Variants in PTPRM observed in about 807,000 individuals in gnomAD.
PTPRM encodes the protein receptor-type tyrosine-protein phosphatase mu.
PTPRM carries 47 observed loss-of-function variants against 186.7 expected under a neutral mutation model. That is an observed-to-expected ratio of 0.25 (90% CI 0.20 to 0.32). PTPRM has a LOEUF of 0.32. Ranked by LOEUF, PTPRM falls within the 10% of genes least tolerant of loss-of-function variation. The probability of loss-of-function intolerance (pLI) is 1.00; values close to 1 mark genes in which losing one functional copy is unlikely to be tolerated. For synonymous variants in PTPRM, 668 were observed against 674.9 expected (o/e 0.99, Z 0.16); for missense variants, 1,494 against 1,865.0 (o/e 0.80, Z 3.66).
chr18:7,984,590 TATATATATATATACAC>T (rs1321867806), intron 7 of PTPRM, among the ~76,000 whole-genome samples: 7 of 123,938 alleles, frequency 5.6e-5, no homozygotes, highest in African/African-American at 2.3e-4. Flanking sequence ...TATATATATA[TATATATATATATACAC>T]ACACACACAC....
intron 1 of PTPRM, among the ~76,000 whole-genome samples, chr18:7,762,699 A>G (rs1002032857): frequency 2.0e-5 from 3 of 152,334 alleles, no homozygotes; most frequent in African/African-American, 7.2e-5. Flanking sequence ...AAACGGGAAC[A>G]TGAGCTGAAA....
rs548612491 is a variant in PTPRM, at chr18:7,948,427, T to C, written c.664-754T>C. Among the ~76,000 whole-genome samples, 59 of 152,280 alleles carry C rather than the reference T, an allele frequency of 3.9e-4. 1 individual carries two copies. Among genetic ancestry groups the C allele is most frequent in the Middle Eastern group, 3.4e-3 (1 of 294 alleles). On this transcript the variant is annotated intron_variant, in intron 5 of 32. Coordinates refer to ENST00000580170, the MANE Select transcript of PTPRM (RefSeq NM_001105244.2). ...CCACGAGGTTTGAGGCTTTAAACTA[T>C]TGGAAGCATAGAATGGATTTCCAAG... is the stretch of plus-strand genomic sequence containing the variant.
chr18:7,922,366 T>A (rs1337629459), intron 4 of PTPRM, among the ~76,000 whole-genome samples: 1 of 152,256 alleles, frequency 6.6e-6, no homozygotes, highest in East Asian at 1.9e-4. Context: ...TTCTCTGTCC[T>A]TAGGGATATT....
intron 13 of PTPRM, among the ~76,000 whole-genome samples, chr18:8,137,769 C>T (rs2092671605): frequency 6.6e-6 from 1 of 152,116 alleles, no homozygotes; most frequent in Non-Finnish European, 1.5e-5. Context: ...AGGCACTCTT[C>T]CCACCCAGCG....
chr18:7,737,801 C>T (rs1040377428), intron 1 of PTPRM, among the ~76,000 whole-genome samples: 4 of 152,178 alleles, frequency 2.6e-5, no homozygotes, highest in Non-Finnish European at 4.4e-5. Context: ...CAATGAGACA[C>T]GCTGAAAACC....
At chr18:7,976,818 G>T (rs1159540211) in intron 7 of PTPRM, among the ~76,000 whole-genome samples, 1 of 152,014 alleles carries the variant, frequency 6.6e-6, no homozygotes, top group Non-Finnish European at 1.5e-5. Context: ...GTAGTCAAAT[G>T]ACTACTGAGA....
At chr18:7,749,713 C>G (rs917543236) in intron 1 of PTPRM, among the ~76,000 whole-genome samples, 13 of 152,140 alleles carry the variant, frequency 8.5e-5, no homozygotes, top group Non-Finnish European at 1.6e-4. Context: ...TAGACTCACT[C>G]CAGTGATGGA....
rs2052771583 is a variant in PTPRM, at chr18:7,949,260, T to G, written c.743T>G (p.Val248Gly). 1 of 1,613,512 alleles carries G rather than the reference T, an allele frequency of 6.2e-7. No individual in the cohort carries two copies. Among genetic ancestry groups the G allele is most frequent in the African/African-American group, 1.3e-5 (1 of 74,926 alleles). ...CGCTTCATTGCTTCATTTAATGTTG[T>G]GAATACCACCAAACGAGATGCTGGA... The part of the protein sequence containing the change: ...SRRFIASFNV[V>G]NTTKRDAGKY... Residue 248 changes from valine to glycine, a missense_variant, in exon 6 of 33, where the codon GTG becomes GGG. Physicochemically the swap from Val to Gly is moderately radical, Grantham distance 109 (BLOSUM62 -3). Coordinates refer to ENST00000580170, the MANE Select transcript of PTPRM (RefSeq NM_001105244.2).
intron 13 of PTPRM, among the ~76,000 whole-genome samples, chr18:8,132,592 A>G (rs2145957464): frequency 6.6e-6 from 1 of 152,310 alleles, no homozygotes; most frequent in African/African-American, 2.4e-5. Context: ...TAATTAATAT[A>G]CAGCAGAAAT....
At chr18:7,723,401 A>G (rs2040486397) in intron 1 of PTPRM, among the ~76,000 whole-genome samples, 1 of 152,196 alleles carries the variant, frequency 6.6e-6, no homozygotes, top group African/African-American at 2.4e-5. Flanking sequence ...GAAAACATTT[A>G]AAATCTTGGT....
intron 1 of PTPRM, among the ~76,000 whole-genome samples, chr18:7,728,449 C>CGCTCCTCCCT (rs1182114141): frequency 2.7e-5 from 4 of 150,090 alleles, no homozygotes; most frequent in Non-Finnish European, 2.9e-5. Context: ...GAAGAGGCTA[C>CGCTCCTCCCT]GCTCCTCCCT....
At chr18:7,604,022 A>G (rs1196055909) in intron 1 of PTPRM, among the ~76,000 whole-genome samples, 2 of 152,230 alleles carry the variant, frequency 1.3e-5, no homozygotes, top group Non-Finnish European at 2.9e-5. Context: ...ATCACATTAC[A>G]TAAGATGTGC....
chr18:8,067,518 G>A (rs1482075977), intron 7 of PTPRM, among the ~76,000 whole-genome samples: 1 of 152,136 alleles, frequency 6.6e-6, no homozygotes, highest in African/African-American at 2.4e-5. Context: ...TTTATTACAG[G>A]ACAGAGTAGC....
chr18:8,247,790 G>C, intron 15 of PTPRM, 55 bp from the exon 16 acceptor site: 1 of 1,325,730 alleles, frequency 7.5e-7, no homozygotes, highest in South Asian at 1.2e-5. Flanking sequence ...AGCATTGTGT[G>C]TTCAGAGTGT....
intron 19 of PTPRM, among the ~76,000 whole-genome samples, chr18:8,267,365 C>A (rs1000114965): frequency 2.0e-5 from 3 of 151,490 alleles, no homozygotes; most frequent in Non-Finnish European, 4.4e-5. Context: ...TTAAAGCTTT[C>A]CAGGCCCAAT....
chr18:8,067,385 T>G (rs2089166585), intron 7 of PTPRM, among the ~76,000 whole-genome samples: 1 of 152,220 alleles, frequency 6.6e-6, no homozygotes, highest in African/African-American at 2.4e-5. Flanking sequence ...TCTAAATAAT[T>G]TATTTATGAC....
intron 14 of PTPRM, among the ~76,000 whole-genome samples, chr18:8,173,350 C>T (rs903021801): frequency 6.6e-6 from 1 of 152,166 alleles, no homozygotes; most frequent in African/African-American, 2.4e-5. Context: ...TTATTATTTT[C>T]ACAATATTTC....
intron 9 of PTPRM, among the ~76,000 whole-genome samples, chr18:8,084,258 T>C (rs946994878): frequency 2.0e-5 from 3 of 152,132 alleles, no homozygotes; most frequent in African/African-American, 7.2e-5. Context: ...CAATTATGCA[T>C]TCATAATAGA....
intron 13 of PTPRM, among the ~76,000 whole-genome samples, chr18:8,128,896 C>T (rs1214623233): frequency 6.6e-6 from 1 of 151,990 alleles, no homozygotes; most frequent in Non-Finnish European, 1.5e-5. Context: ...TTTCTATCAG[C>T]AGTGTGATGA....
Sources: allele counts gnomAD v4.1 joint callset (sites outside exome capture counted in the v4.1 genomes callset), GRCh38; gene constraint gnomAD v4.1.1; transcripts MANE v1.5; gene names NCBI Gene and HGNC (gene_info 2026-07-23, HGNC 2026-07-21).